LRRC75B: variants seen among roughly 807,000 people sequenced by gnomAD.
LRRC75B encodes the protein leucine-rich repeat-containing protein 75B.
A neutral mutation model predicts 16.5 loss-of-function variants in LRRC75B; 20 were observed. The ratio of observed to expected loss-of-function variants is 1.21; its 90% CI spans 0.85 to 1.76. The LOEUF (loss-of-function observed/expected upper bound fraction) is 1.76, where lower values mean the gene tolerates loss of function less well. LRRC75B is among the 40% of genes most tolerant of loss of function. The pLI, the probability that LRRC75B is intolerant of heterozygous loss-of-function variation, is 0.00. For missense variants in LRRC75B, 406 were observed against 417.0 expected (o/e 0.97, Z 0.23); for synonymous variants, 199 against 198.1 (o/e 1.00, Z -0.04).
At chr22:24,592,363 T>A (rs1403224188) in intron 1 of LRRC75B, 2 of 470,446 alleles carry the variant, frequency 4.3e-6, no homozygotes, top group Non-Finnish European at 8.8e-6. Flanking sequence ...TGTCTTGGGG[T>A]GAGGCTGCAT....
chr22:24,588,551 A>G, intron 2 of LRRC75B: 1 of 762,644 alleles, frequency 1.3e-6, no homozygotes. Flanking sequence ...AGGCTGGTCC[A>G]GTCCCGCAGT....
Position 24,588,306 on chromosome 22 carries a change from C to T in LRRC75B, c.330G>A (p.Ser110=), listed in dbSNP as rs748089368. ...PKKDYELWKS[S]DKICRQLIYH... Reference sequence around the variant, plus strand: ...AGATGAGCTGTCGGCAGATCTTGTCCGAGGACTTCCAGAGCTCATAGTCCT... The same window carrying T: ...AGATGAGCTGTCGGCAGATCTTGTCTGAGGACTTCCAGAGCTCATAGTCCT... Residue 110 remains serine, a synonymous_variant, in exon 3 of 4, where the codon TCG becomes TCA. Coordinates refer to ENST00000318753, the MANE Select transcript of LRRC75B (RefSeq NM_207644.3). 55 of 1,613,092 alleles carry T rather than the reference C, an allele frequency of 3.4e-5. No individual in the cohort carries two copies. Among genetic ancestry groups the T allele is most frequent in the Middle Eastern group, 1.6e-4 (1 of 6,068 alleles).
intron 2 of LRRC75B, chr22:24,589,151 C>T (rs973068616): frequency 1.7e-5 from 19 of 1,141,698 alleles, no homozygotes; most frequent in Non-Finnish European, 2.0e-5. Flanking sequence ...TGGTTGGGGA[C>T]TCACTGTGAC....
At position 24,588,235 on chromosome 22, in the gene LRRC75B, C is replaced by T. The variant is rs780658854; in HGVS notation, c.401G>A (p.Arg134His). Residue 134 changes from arginine to histidine, a missense_variant, in exon 3 of 4, where the codon CGC becomes CAC. Transcript: ENST00000318753. ...HSKQQQGSSL[R>H]QRKTQSCLKS... is the part of the protein sequence containing the mutation. ...TTACCAGCTCTGGGTCTTCCTCTGG[C>T]GCAGGCTGGACCCTTGCTGCTGCTT... 1.1e-5 allele frequency: 18 copies of T among 1,613,028 alleles called. No individual in the cohort carries two copies. Among genetic ancestry groups the T allele is most frequent in the Admixed American group, 8.3e-5 (5 of 59,978 alleles).
In LRRC75B at chr22:24,592,890, G is replaced by T. The variant is rs1444872649; in HGVS notation, c.150C>A (p.Ala50=). The change falls in exon 1 of 4, where the codon GCC becomes GCA. Residue 50 remains alanine (A), a synonymous_variant. Transcript: ENST00000318753. ...STLRERRPER[A]RQLLRLLRQD... is the part of the protein sequence containing the mutation. ...GGCGCAGGAGGCGCAGCAGCTGCCGGGCGCGCTCCGGCCGCCGCTCGCGGA... is the reference window on the plus strand; with the variant it reads ...GGCGCAGGAGGCGCAGCAGCTGCCGTGCGCGCTCCGGCCGCCGCTCGCGGA... 5.5e-6 allele frequency: 7 copies of T among 1,281,218 alleles called. No homozygotes were observed. Among genetic ancestry groups the T allele is most frequent in the Non-Finnish European group, 6.9e-6 (7 of 1,013,720 alleles). The allele number at this position is 1,281,218 out of a possible 1,614,324, so 79.4% of individuals were successfully genotyped here. A position where few individuals can be genotyped will look rare whatever the true frequency, so the allele number is the denominator to read the frequency against.
intron 3 of LRRC75B, among the ~76,000 whole-genome samples, chr22:24,587,296 C>A (rs16978740): frequency 6.6e-6 from 1 of 152,086 alleles, no homozygotes; most frequent in Non-Finnish European, 1.5e-5. Context: ...GAGGGCTCCC[C>A]GTGTTTTCTC....
Position 24,589,959 on chromosome 22 carries a change from G to C in LRRC75B, c.178-10C>G. On this transcript the variant is annotated splice_polypyrimidine_tract_variant and intron_variant, in intron 1 of 3. Transcript: ENST00000318753. ...TCTCAAGGCCCAGGTCCTGTGAGTG[G>C]TGAAGAGAGAGTTGAGTGAGCCCGT... 6.3e-7 allele frequency: 1 copy of C among 1,578,928 alleles called. No homozygotes were observed. The highest frequency in any genetic ancestry group is 8.6e-7 in the Non-Finnish European group (1 of 1,163,288).
chr22:24,588,682 AG>A, intron 2 of LRRC75B: 6 of 1,104,572 alleles, frequency 5.4e-6, no homozygotes, highest in Non-Finnish European at 5.6e-6. Flanking sequence ...GACTTGCCAC[AG>A]GGGGAGGAGG....
Position 24,586,225 on chromosome 22 carries a change from G to A in LRRC75B, c.609C>T (p.Ser203=), listed in dbSNP as rs1041495697. The A allele has an allele frequency of 1.2e-6, 2 of 1,613,682 alleles. No individual in the cohort carries two copies. The highest frequency in any genetic ancestry group is 1.7e-6 in the Non-Finnish European group (2 of 1,180,028). ...SDELLHLLLP[S]LWALPRLTQL... ...GGGTGAGGCGGGGCAGCGCCCACAG[G>A]CTGGGCAGCAGGAGGTGCAGCAGCT... Residue 203 remains serine, a synonymous_variant, in exon 4 of 4, where the codon AGC becomes AGT. Transcript: ENST00000318753.
intron 1 of LRRC75B, chr22:24,592,478 A>G: frequency 2.2e-6 from 1 of 455,162 alleles, no homozygotes; most frequent in Admixed American, 2.4e-5. Context: ...AGATGATTTG[A>G]CCTCACTTGC....
chr22:24,589,432 T>G, intron 2 of LRRC75B: 6 of 967,978 alleles, frequency 6.2e-6, no homozygotes, highest in Non-Finnish European at 7.7e-6. Flanking sequence ...AGCGGCTCTC[T>G]TCTGGCCCAG....
At chr22:24,586,542 A>AT in intron 3 of LRRC75B, 131 bp from the exon 4 acceptor site, 4 of 1,033,776 alleles carry the variant, frequency 3.9e-6, no homozygotes, top group Non-Finnish European at 5.7e-6. Context: ...TGTCTTTCGT[A>AT]TTTTTTGAGA....
In LRRC75B at chr22:24,588,290, G is replaced by A. The variant is rs745387675; in HGVS notation, c.346C>T (p.Gln116Ter). Residue 116 changes from glutamine (Q) to a stop codon, truncating the protein, a stop_gained, in exon 3 of 4, where the codon CAG becomes TAG. Coordinates refer to ENST00000318753, the MANE Select transcript of LRRC75B (RefSeq NM_207644.3). LOFTEE classifies it high-confidence loss of function. ...LWKSSDKICR[Q>*]LIYHLTPHSK... is the part of the protein sequence containing the mutation. ...TGAGGGGTGAGGTGGTAGATGAGCTGTCGGCAGATCTTGTCCGAGGACTTC... is the reference window on the plus strand; with the variant it reads ...TGAGGGGTGAGGTGGTAGATGAGCTATCGGCAGATCTTGTCCGAGGACTTC... The A allele has an allele frequency of 6.2e-7, 1 of 1,613,636 alleles. No homozygotes were observed. The highest frequency in any genetic ancestry group is 8.5e-7 in the Non-Finnish European group (1 of 1,179,916).
At chr22:24,588,785 C>T in intron 2 of LRRC75B, 1 of 1,025,142 alleles carries the variant, frequency 9.8e-7, no homozygotes, top group Non-Finnish European at 1.2e-6. Flanking sequence ...CTTCCTCTCA[C>T]TCTCCAAGCG....
chr22:24,591,026 C>T (rs2045552914), intron 1 of LRRC75B, among the ~76,000 whole-genome samples: 2 of 152,250 alleles, frequency 1.3e-5, no homozygotes, highest in Non-Finnish European at 2.9e-5. Flanking sequence ...CACTCCTCCA[C>T]TTTCTCCTCC....
chr22:24,585,717 G>A lies in LRRC75B; in HGVS notation c.*169C>T. 1.3e-6 allele frequency: 1 copy of A among 771,696 alleles called. No individual in the cohort carries two copies. The highest frequency in any genetic ancestry group is 1.9e-5 in the South Asian group (1 of 53,028). The allele number at this position is 771,696 out of a possible 1,614,324, so 47.8% of individuals were successfully genotyped here. On this transcript the variant is annotated 3_prime_UTR_variant, in exon 4 of 4. Transcript: ENST00000318753. ...GAGGGAAGGCTGAGCCTCTAGCCAG[G>A]GCTGGCCACCTGGCCACCTATGAGT...
Position 24,586,231 on chromosome 22 carries a change from C to G in LRRC75B, c.603G>C (p.Leu201=). 1 of 1,613,688 alleles carries G rather than the reference C, an allele frequency of 6.2e-7. No homozygotes were observed. The change falls in exon 4 of 4, where the codon CTG becomes CTC. Residue 201 remains leucine, a synonymous_variant. Transcript: ENST00000318753. The part of the protein sequence containing the change: ...GLSDELLHLL[L]PSLWALPRLT... ...GGCGGGGCAGCGCCCACAGGCTGGG[C>G]AGCAGGAGGTGCAGCAGCTCATCAC...
intron 2 of LRRC75B, chr22:24,588,639 C>T: frequency 8.9e-7 from 1 of 1,120,810 alleles, no homozygotes; most frequent in Non-Finnish European, 1.1e-6. Flanking sequence ...GGGCTATCAG[C>T]CGGCTGCCTG....
chr22:24,588,242 T>C lies in LRRC75B; in HGVS notation c.394A>G (p.Ser132Gly). The change falls in exon 3 of 4, where the codon AGC (serine) becomes GGC (glycine). Residue 132 changes from serine to glycine, a missense_variant. Transcript: ENST00000318753. ...CTCTGGGTCTTCCTCTGGCGCAGGC[T>C]GGACCCTTGCTGCTGCTTCGAGTGA... is the stretch of plus-strand genomic sequence containing the variant. Reference protein sequence around the residue: ...TPHSKQQQGSSLRQRKTQSCL... With the variant: ...TPHSKQQQGSGLRQRKTQSCL... 6.2e-7 allele frequency: 1 copy of C among 1,613,468 alleles called. No individual in the cohort carries two copies. Among genetic ancestry groups the C allele is most frequent in the South Asian group, 1.1e-5 (1 of 90,830 alleles).
Sources: gnomAD v4.1 joint callset for allele counts (sites outside exome capture counted in the v4.1 genomes callset) on GRCh38, gnomAD v4.1.1 for gene constraint, MANE v1.5 for transcripts, NCBI Gene and HGNC (gene_info 2026-07-23, HGNC 2026-07-21) for gene names.